Variants in AARS2 observed in about 807,000 individuals in gnomAD.
The protein encoded by AARS2 is alanine--tRNA ligase, mitochondrial.
In AARS2, 78 loss-of-function variants were observed where a neutral mutation model predicts 119.7. The ratio of observed to expected loss-of-function variants is 0.65; its 90% CI spans 0.54 to 0.79. The LOEUF is 0.79. AARS2 is among the 30% of genes least tolerant of loss of function. The probability of loss-of-function intolerance (pLI) is 0.00; values close to 1 mark genes in which losing one functional copy is unlikely to be tolerated. For synonymous variants in AARS2, 502 were observed against 526.3 expected (o/e 0.95, Z 0.63); for missense variants, 1,157 against 1,291.3 (o/e 0.90, Z 1.59).
intron 18 of AARS2, 35 bp from the exon 19 acceptor site, chr6:44,302,205 C>T: frequency 1.2e-6 from 2 of 1,613,126 alleles, no homozygotes; most frequent in South Asian, 1.1e-5. Flanking sequence ...CCCTGCCCTT[C>T]CCTGAGCCAT....
rs1583061784 is a variant in AARS2 at position 44,312,358 on chromosome 6, C to T, written c.244-95G>A. The T allele has an allele frequency of 7.0e-6, 9 of 1,282,044 alleles. 1 individual carries two copies. The highest frequency in any genetic ancestry group is 7.6e-6 in the Non-Finnish European group (7 of 915,534). The allele number at this position is 1,282,044 out of a possible 1,614,324, so 79.4% of individuals were successfully genotyped here. A position where few individuals can be genotyped will look rare whatever the true frequency, so the allele number is the denominator to read the frequency against. ...TGAGGATAGGGATGGCTGTTCAGAC[C>T]GAAGGCTGACTGTGCCCCTGAGAGT... On this transcript the variant is annotated intron_variant, in intron 1 of 21. Transcript: ENST00000244571.
Position 44,313,160 on chromosome 6 carries a change from C to T in AARS2, c.164G>A (p.Gly55Asp), listed in dbSNP as rs1319120262. The stretch of plus-strand genomic sequence containing the variant: ...GGAAGCGGAGGGCACCAGCCGGTGG[C>T]CATGGCGGTCCCGAAAGAAGTTCAG... ...AFLNFFRDRHGHRLVPSASVR... is the reference protein window; with the variant it reads ...AFLNFFRDRHDHRLVPSASVR... Residue 55 changes from glycine to aspartate, a missense_variant, in exon 1 of 22, where the codon GGC (glycine) becomes GAC (aspartate). Physicochemically the swap from Gly to Asp is moderately conservative, Grantham distance 94. Coordinates refer to ENST00000244571, the MANE Select transcript of AARS2 (RefSeq NM_020745.4). The T allele has an allele frequency of 6.2e-7, 1 of 1,613,094 alleles. No individual in the cohort carries two copies. Among genetic ancestry groups the T allele is most frequent in the Non-Finnish European group, 8.5e-7 (1 of 1,179,732 alleles).
intron 5 of AARS2, among the ~76,000 whole-genome samples, chr6:44,308,452 T>C (rs1416367729): frequency 6.6e-6 from 1 of 151,644 alleles, no homozygotes; most frequent in African/African-American, 2.4e-5. Flanking sequence ...GGCACGAGAA[T>C]TGCTTGAGCC....
chr6:44,313,250 A>G lies in AARS2; in HGVS notation c.74T>C (p.Leu25Pro). 6.3e-7 allele frequency: 1 copy of G among 1,577,938 alleles called. No homozygotes were observed. Among genetic ancestry groups the G allele is most frequent in the Middle Eastern group, 2.2e-4 (1 of 4,632 alleles). The change falls in exon 1 of 22, where the codon CTC becomes CCC. Residue 25 changes from leucine to proline, a missense_variant. Physicochemically the swap from Leu to Pro is moderately conservative, Grantham distance 98. Transcript: ENST00000244571. ...AIRRSPAWRG[L>P]SHRPLSSEPP... The stretch of plus-strand genomic sequence containing the variant: ...CTCCGATGAGAGCGGCCGATGGCTG[A>G]GGCCCCGCCATGCGGGCGACCTTCG...
intron 11 of AARS2, 47 bp from the exon 12 acceptor site, chr6:44,304,864 C>G: frequency 6.2e-7 from 1 of 1,613,020 alleles, no homozygotes. Context: ...GGGCTGGGGA[C>G]GTGAAGGTGG....
rs554042403 is a variant in AARS2 at position 44,305,925 on chromosome 6, C to T, written c.1301-139G>A. ...CAAATACCCGCTCCATACTGGGTAG[C>T]CTCAGGAGAGGGGTCACATTCAGGC... On this transcript the variant is annotated intron_variant, in intron 9 of 21. Coordinates refer to ENST00000244571, the MANE Select transcript of AARS2 (RefSeq NM_020745.4). The surrounding 1 kb of genome is among the most constrained non-coding windows in gnomAD (Gnocchi z 4.6). The T allele has an allele frequency of 1.8e-6, 2 of 1,083,234 alleles. No individual in the cohort carries two copies. Among genetic ancestry groups the T allele is most frequent in the African/African-American group, 3.1e-5 (2 of 64,220 alleles). 67.1% of individuals were successfully genotyped at this position (1,083,234 alleles called of 1,614,324 possible). A position where few individuals can be genotyped will look rare whatever the true frequency, so the allele number is the denominator to read the frequency against.
At chr6:44,312,017 G>C (rs1433060212) in intron 2 of AARS2, 55 bp downstream of exon 2, 2 of 1,595,780 alleles carry the variant, frequency 1.3e-6, no homozygotes, top group Non-Finnish European at 1.7e-6. Context: ...CAGTACAATG[G>C]AAACAGGACA....
At position 44,313,249 on chromosome 6, in the gene AARS2, G is replaced by A; in HGVS notation, c.75C>T (p.Leu25=). ...AIRRSPAWRG[L]SHRPLSSEPP... is the part of the protein sequence containing the mutation. ...GCTCCGATGAGAGCGGCCGATGGCTGAGGCCCCGCCATGCGGGCGACCTTC... is the reference window on the plus strand; with the variant it reads ...GCTCCGATGAGAGCGGCCGATGGCTAAGGCCCCGCCATGCGGGCGACCTTC... Residue 25 remains leucine, a synonymous_variant, in exon 1 of 22, where the codon CTC becomes CTT. Coordinates refer to ENST00000244571, the MANE Select transcript of AARS2 (RefSeq NM_020745.4). 1 of 1,579,424 alleles carries A rather than the reference G, an allele frequency of 6.3e-7. No homozygotes were observed. Among genetic ancestry groups the A allele is most frequent in the South Asian group, 1.1e-5 (1 of 87,396 alleles).
intron 5 of AARS2, among the ~76,000 whole-genome samples, chr6:44,308,148 G>A (rs1477384920): frequency 6.6e-6 from 1 of 152,112 alleles, no homozygotes; most frequent in Non-Finnish European, 1.5e-5. Context: ...TGTGGTCCTT[G>A]CCTGGACCGA....
intron 14 of AARS2, among the ~76,000 whole-genome samples, 189 bp from the exon 15 acceptor site, chr6:44,303,612 T>C (rs968079606): frequency 3.3e-5 from 5 of 151,178 alleles, no homozygotes; most frequent in South Asian, 2.1e-4. Flanking sequence ...TATCTGGGAG[T>C]TGGGCCTATT....
Position 44,307,005 on chromosome 6 carries a change from C to T in AARS2, c.1067G>A (p.Arg356Gln), listed in dbSNP as rs138470959. 1.9e-5 allele frequency: 31 copies of T among 1,613,880 alleles called. No homozygotes were observed. In the African/African-American group the frequency reaches 2.0e-4, roughly 10 times the overall value. ...PPLVLRRILR[R>Q]AVRFSMEILK... ...GATCTCCATGGAGAAACGCACAGCT[C>T]GACGCAGGATCCGACGAAGAACCAG... The change falls in exon 7 of 22, where the codon CGA becomes CAA. Residue 356 changes from arginine to glutamine, a missense_variant. Coordinates refer to ENST00000244571, the MANE Select transcript of AARS2 (RefSeq NM_020745.4). This position sits in a 1 kb window ranked among gnomAD's most constrained non-coding sequence, Gnocchi z 4.4.
Position 44,311,141 on chromosome 6 carries a change from A to G in AARS2, c.602T>C (p.Leu201Pro). ...LSLGVPASRV[L>P]SFGPQENFWE... ...GAAGTTCTCTTGTGGTCCAAAGGAA[A>G]GCACACGGCTAGCAGGCACCCTGGG... Residue 201 changes from leucine (L) to proline (P), a missense_variant, in exon 4 of 22, where the codon CTT becomes CCT. Coordinates refer to ENST00000244571, the MANE Select transcript of AARS2 (RefSeq NM_020745.4). 1 of 1,614,158 alleles carries G rather than the reference A, an allele frequency of 6.2e-7. No individual in the cohort carries two copies. Among genetic ancestry groups the G allele is most frequent in the Non-Finnish European group, 8.5e-7 (1 of 1,180,046 alleles).
chr6:44,306,232 G>T, intron 9 of AARS2, 48 bp downstream of exon 9: 2 of 1,571,770 alleles, frequency 1.3e-6, no homozygotes, highest in South Asian at 1.1e-5. Context: ...TGCCCACCTT[G>T]GTGAGTCTCA....
rs764253221 is a variant in AARS2, at chr6:44,302,186, G to A, written c.2488-16C>T. On this transcript the variant is annotated splice_polypyrimidine_tract_variant and intron_variant, in intron 18 of 21. Coordinates refer to ENST00000244571, the MANE Select transcript of AARS2 (RefSeq NM_020745.4). ...TTTCCACAGCCTATGGCCAGAAGCA[G>A]TACATCACCCCTGCCCTTCCCTGAG... 5.6e-6 allele frequency: 9 copies of A among 1,613,760 alleles called. No individual in the cohort carries two copies. The Admixed American group carries it at 1.2e-4, about 21-fold the overall frequency.
chr6:44,303,429 G>C lies in AARS2; in HGVS notation c.2008-6C>G, dbSNP rs779624853. The stretch of plus-strand genomic sequence containing the variant: ...TGCTCTGGGGTCAATGGGGTCTGGA[G>C]GGGTGGGGAGGAAATGGAAAGACCA... On this transcript the variant is annotated splice_polypyrimidine_tract_variant and splice_region_variant and intron_variant, in intron 14 of 21. Transcript: ENST00000244571. The C allele has an allele frequency of 1.2e-6, 2 of 1,613,818 alleles. No individual in the cohort carries two copies. The highest frequency in any genetic ancestry group is 1.3e-5 in the African/African-American group (1 of 74,924).
rs200436244 is a variant in AARS2, at chr6:44,302,211, G to T, written c.2488-41C>A. ...GTACATCACCCCTGCCCTTCCCTGAGCCATAGTCTCTGAGGTAGGGACCAG... is the reference window on the plus strand; with the variant it reads ...GTACATCACCCCTGCCCTTCCCTGATCCATAGTCTCTGAGGTAGGGACCAG... On this transcript the variant is annotated intron_variant, in intron 18 of 21. Transcript: ENST00000244571. The T allele has an allele frequency of 6.7e-5, 108 of 1,612,016 alleles. 3 individuals carry two copies. The East Asian group carries it at 2.4e-3, about 36-fold the overall frequency.
At chr6:44,306,434 G>T (rs1203943628) in intron 8 of AARS2, 43 bp from the exon 9 acceptor site, 1 of 1,613,906 alleles carries the variant, frequency 6.2e-7, no homozygotes, top group African/African-American at 1.3e-5. Flanking sequence ...CTCCTTGGAA[G>T]GAGGGTCTCT....
chr6:44,311,319 T>C (rs533615292), intron 3 of AARS2, 71 bp downstream of exon 3: 4 of 1,609,518 alleles, frequency 2.5e-6, no homozygotes, highest in South Asian at 2.2e-5. Context: ...CTCTGAGGAT[T>C]GGTGCTGGTA....
At position 44,303,433 on chromosome 6, in the gene AARS2, T is replaced by G. The variant is rs2153354144; in HGVS notation, c.2008-10A>C. The G allele has an allele frequency of 6.2e-7, 1 of 1,612,956 alleles. No individual in the cohort carries two copies. The highest frequency in any genetic ancestry group is 8.5e-7 in the Non-Finnish European group (1 of 1,179,846). ...CTGGGGTCAATGGGGTCTGGAGGGGTGGGGAGGAAATGGAAAGACCAACAT... is the reference window on the plus strand; with the variant it reads ...CTGGGGTCAATGGGGTCTGGAGGGGGGGGGAGGAAATGGAAAGACCAACAT... On this transcript the variant is annotated splice_polypyrimidine_tract_variant and intron_variant, in intron 14 of 21. Coordinates refer to ENST00000244571, the MANE Select transcript of AARS2 (RefSeq NM_020745.4).
Sources: gnomAD v4.1 joint callset for allele counts (sites outside exome capture counted in the v4.1 genomes callset) on GRCh38, gnomAD v4.1.1 for gene constraint, Gnocchi (gnomAD v3.1) non-coding constraint, MANE v1.5 for transcripts, NCBI Gene and HGNC (gene_info 2026-07-23, HGNC 2026-07-21) for gene names.